Variants in BIRC6 observed in about 807,000 individuals in gnomAD.
BIRC6 encodes dual E2 ubiquitin-conjugating enzyme/E3 ubiquitin-protein ligase BIRC6.
In BIRC6, 98 loss-of-function variants were observed where a neutral mutation model predicts 503.3. The ratio of observed to expected loss-of-function variants is 0.19; its 90% CI spans 0.17 to 0.23. The LOEUF is 0.23. Ranked by LOEUF, BIRC6 falls within the 10% of genes least tolerant of loss-of-function variation. The pLI is 1.00. For missense variants in BIRC6, 5,360 were observed against 5,806.0 expected (o/e 0.92, Z 2.50); for synonymous variants, 2,240 against 2,078.7 (o/e 1.08, Z -2.11).
At chr2:32,420,734 A>G (rs1390245019) in intron 10 of BIRC6, among the ~76,000 whole-genome samples, 1 of 151,298 alleles carries the variant, frequency 6.6e-6, no homozygotes, top group East Asian at 1.9e-4. Context: ...CTGGTCTTGA[A>G]CTCCTGACCT....
Position 32,406,375 on chromosome 2 carries a change from G to A in BIRC6, c.1419-124G>A. ...GTTCCTGCCACTGTACTCCAGCCTGGATGACAGACTGAGACCCTGTCTCAA... is the reference window on the plus strand; with the variant it reads ...GTTCCTGCCACTGTACTCCAGCCTGAATGACAGACTGAGACCCTGTCTCAA... On this transcript the variant is annotated intron_variant, in intron 8 of 73. Transcript: ENST00000421745. 9 of 663,270 alleles carry A rather than the reference G, an allele frequency of 1.4e-5. No individual in the cohort carries two copies. In the South Asian group the frequency reaches 1.7e-4, roughly 13 times the overall value. 41.1% of individuals were successfully genotyped at this position (663,270 alleles called of 1,614,324 possible).
In BIRC6 at chr2:32,617,764, C is replaced by T. The variant is rs1291406950; in HGVS notation, c.14434C>T (p.Pro4812Ser). The T allele has an allele frequency of 6.8e-6, 11 of 1,613,904 alleles. No individual in the cohort carries two copies. The highest frequency in any genetic ancestry group is 1.3e-5 in the African/African-American group (1 of 74,930). Residue 4812 changes from proline (P) to serine (S), a missense_variant, in exon 74 of 74, where the codon CCC becomes TCC. Around this residue, in one of 16 missense-constraint regions of BIRC6, gnomAD observed 140 missense variants for 130.2 expected, o/e 1.07. Coordinates refer to ENST00000421745, the MANE Select transcript of BIRC6 (RefSeq NM_016252.4). Reference protein sequence around the residue: ...AQLREELLKLPCPEGLDPDTD... With the variant: ...AQLREELLKLSCPEGLDPDTD... Reference sequence around the variant, plus strand: ...GCTCCGCGAAGAGTTGCTGAAACTTCCCTGCCCTGAAGGCTTGGATCCTGA... The same window carrying T: ...GCTCCGCGAAGAGTTGCTGAAACTTTCCTGCCCTGAAGGCTTGGATCCTGA...
chr2:32,611,839 A>G (rs2062896200), intron 73 of BIRC6, among the ~76,000 whole-genome samples: 1 of 152,142 alleles, frequency 6.6e-6, no homozygotes, highest in Non-Finnish European at 1.5e-5. Context: ...CCTTGAAGAT[A>G]ATGATGACAA....
At chr2:32,539,790 A>G (rs2057516737) in intron 61 of BIRC6, among the ~76,000 whole-genome samples, 2 of 152,090 alleles carry the variant, frequency 1.3e-5, no homozygotes, top group Admixed American at 6.5e-5. Flanking sequence ...GAAGCAAGGA[A>G]TTACTACAGT....
chr2:32,594,219 G>T (rs1357383542), intron 67 of BIRC6, 159 bp downstream of exon 67: 11 of 700,424 alleles, frequency 1.6e-5, no homozygotes, highest in Non-Finnish European at 2.5e-5. Context: ...TTCTTTATCT[G>T]ATTTCAATCA....
intron 39 of BIRC6, among the ~76,000 whole-genome samples, chr2:32,484,830 TG>T (rs1262726812): frequency 2.0e-5 from 3 of 151,888 alleles, no homozygotes; most frequent in Non-Finnish European, 4.4e-5. Context: ...GTACCACACC[TG>T]GCAAATTTAT....
At chr2:32,413,102 A>C (rs1346143676) in intron 9 of BIRC6, among the ~76,000 whole-genome samples, 4 of 150,736 alleles carry the variant, frequency 2.7e-5, no homozygotes, top group Non-Finnish European at 5.9e-5. Context: ...TCTGTCTCCC[A>C]GGTTCAGGTT....
intron 8 of BIRC6, among the ~76,000 whole-genome samples, chr2:32,403,513 ATTTAAT>A (rs1411119308): frequency 3.9e-5 from 6 of 152,222 alleles, no homozygotes; most frequent in Admixed American, 3.9e-4. Context: ...ATGCTAATAC[ATTTAAT>A]TTTAATGAAT....
chr2:32,464,395 T>A (rs955554375), intron 24 of BIRC6, 114 bp from the exon 25 acceptor site: 1 of 1,249,124 alleles, frequency 8.0e-7, no homozygotes, highest in African/African-American at 1.5e-5. Flanking sequence ...ATTTCATCTT[T>A]AAGTATGATC....
intron 55 of BIRC6, 38 bp downstream of exon 55, chr2:32,515,808 T>C: frequency 6.5e-7 from 1 of 1,532,300 alleles, no homozygotes. Flanking sequence ...AGTTGTTTTA[T>C]TACATAAGAA....
intron 46 of BIRC6, among the ~76,000 whole-genome samples, 191 bp downstream of exon 46, chr2:32,500,300 A>G (rs1470953747): frequency 6.6e-6 from 1 of 152,112 alleles, no homozygotes; most frequent in Non-Finnish European, 1.5e-5. Context: ...AATATTGACA[A>G]ATGTCATGTC....
At chr2:32,545,508 G>A in intron 62 of BIRC6, 135 bp from the exon 63 acceptor site, 5 of 713,682 alleles carry the variant, frequency 7.0e-6, no homozygotes, top group Non-Finnish European at 1.2e-5. Context: ...TTGTATTTGT[G>A]GTATTTGGTT....
At chr2:32,364,530 C>T (rs759645122) in intron 1 of BIRC6, among the ~76,000 whole-genome samples, 30 of 152,044 alleles carry the variant, frequency 2.0e-4, no homozygotes, top group Middle Eastern at 3.2e-3. Flanking sequence ...CGTGAGCCAC[C>T]GTGCCCAGCC....
chr2:32,365,402 C>T (rs1174408647), intron 1 of BIRC6, among the ~76,000 whole-genome samples: 1 of 151,910 alleles, frequency 6.6e-6, no homozygotes, highest in African/African-American at 2.4e-5. Flanking sequence ...TCACTGCAAC[C>T]TCCGCCTCTC....
chr2:32,493,427 G>C (rs1046381134), intron 44 of BIRC6, 113 bp from the exon 45 acceptor site: 1 of 948,396 alleles, frequency 1.1e-6, no homozygotes, highest in Non-Finnish European at 1.5e-6. Flanking sequence ...TGTTTTCCTC[G>C]TACGAAAAGT....
At chr2:32,474,661 T>C (rs550516553) in intron 33 of BIRC6, among the ~76,000 whole-genome samples, 144 of 152,332 alleles carry the variant, frequency 9.5e-4, no homozygotes, top group Non-Finnish European at 1.8e-3. Context: ...CCAAATGGCT[T>C]AGTGAAAACT....
intron 45 of BIRC6, 88 bp downstream of exon 45, chr2:32,493,755 T>C: frequency 8.9e-7 from 1 of 1,119,076 alleles, no homozygotes; most frequent in African/African-American, 1.5e-5. Flanking sequence ...GTTGGGAATT[T>C]ATCTGTGAAC....
chr2:32,522,401 T>A (rs185503860), intron 57 of BIRC6: 1 of 152,256 alleles, frequency 6.6e-6, no homozygotes, highest in East Asian at 1.9e-4. Flanking sequence ...TTAGACTTGC[T>A]TTTAATCTTT....
intron 9 of BIRC6, among the ~76,000 whole-genome samples, chr2:32,407,772 A>G (rs1198990558): frequency 6.6e-6 from 1 of 152,178 alleles, no homozygotes; most frequent in Non-Finnish European, 1.5e-5. Context: ...GTTCTTAGCA[A>G]TGAACAAAAA....
Sources: allele counts gnomAD v4.1 joint callset (sites outside exome capture counted in the v4.1 genomes callset), GRCh38; gene constraint gnomAD v4.1.1; regional missense constraint gnomAD v4.1.1; transcripts MANE v1.5; gene names NCBI Gene and HGNC (gene_info 2026-07-23, HGNC 2026-07-21).